IFRD1: variants seen among roughly 807,000 people sequenced by gnomAD.
IFRD1 encodes interferon-related developmental regulator 1.
IFRD1 carries 35 observed loss-of-function variants against 52.9 expected under a neutral mutation model. The observed-to-expected ratio is 0.66, with a 90% CI of 0.51 to 0.88. IFRD1 has a LOEUF of 0.88. IFRD1 is among the 40% of genes least tolerant of loss of function. The pLI is 0.00. For missense variants in IFRD1, 517 were observed against 550.8 expected (o/e 0.94, Z 0.61); for synonymous variants, 184 against 188.4 (o/e 0.98, Z 0.19).
At chr7:112,455,628 T>C in intron 1 of IFRD1, 135 bp from the exon 2 acceptor site, 3 of 691,072 alleles carry the variant, frequency 4.3e-6, no homozygotes, top group Non-Finnish European at 7.8e-6. Context: ...TCACTTGTGA[T>C]AAAATCTCTT....
chr7:112,459,645 T>TA (rs1362104410), intron 5 of IFRD1, among the ~76,000 whole-genome samples: 1 of 152,206 alleles, frequency 6.6e-6, no homozygotes, highest in Non-Finnish European at 1.5e-5. Flanking sequence ...TTAAGGTAAG[T>TA]AACATTAATC....
chr7:112,467,822 A>G (rs1410592123), intron 8 of IFRD1, 159 bp from the exon 9 acceptor site: 2 of 703,978 alleles, frequency 2.8e-6, no homozygotes, highest in East Asian at 2.8e-5. Context: ...TTGCATGAAA[A>G]CATGTGTTTA....
In IFRD1 at chr7:112,475,522, T is replaced by A. The variant is rs776074519; in HGVS notation, c.*3T>A. 6 of 1,556,608 alleles carry A rather than the reference T, an allele frequency of 3.9e-6. No individual in the cohort carries two copies. The East Asian group carries it at 1.3e-4, about 35-fold the overall frequency. On this transcript the variant is annotated 3_prime_UTR_variant, in exon 12 of 12. Coordinates refer to ENST00000403825, the MANE Select transcript of IFRD1 (RefSeq NM_001550.4). ...CAGATGTTGGAGAATTCTTCTAGAT[T>A]TTCAGAACTTGAAGACTATTTTCTA...
Position 112,441,404 on chromosome 7 carries a change from C to T in IFRD1, c.-181-9104C>T, listed in dbSNP as rs112627575. Among the ~76,000 whole-genome samples, 12 of 151,454 alleles carry T rather than the reference C, an allele frequency of 7.9e-5. 2 individuals carry two copies. The highest frequency in any genetic ancestry group is 2.9e-4 in the African/African-American group (12 of 41,326). ...TCAGTGAGCTGTGATCGCACCACTA[C>T]ACTCCAGTCTGGGTGAGAGGCAAGA... On this transcript the variant is annotated intron_variant, in intron 1 of 12. Transcript: ENST00000005558.
intron 10 of IFRD1, 88 bp downstream of exon 10, chr7:112,472,435 G>A (rs1244299836): frequency 7.1e-7 from 1 of 1,402,052 alleles, no homozygotes; most frequent in Admixed American, 1.7e-5. Context: ...AAATTAATTA[G>A]GTATCCAGAG....
At chr7:112,460,027 CAT>C (rs1376473192) in intron 5 of IFRD1, among the ~76,000 whole-genome samples, 1 of 152,150 alleles carries the variant, frequency 6.6e-6, no homozygotes, top group Non-Finnish European at 1.5e-5. Context: ...GCTTTTAAAT[CAT>C]GTGGAACTAT....
intron 1 of IFRD1, 87 bp downstream of exon 1, chr7:112,450,869 T>A: frequency 1.1e-6 from 1 of 915,926 alleles, no homozygotes; most frequent in Non-Finnish European, 1.8e-6. Context: ...GTTGTAGTTC[T>A]TTCTCTGATG....
chr7:112,445,211 C>T (rs556677268), intron 1 of IFRD1, among the ~76,000 whole-genome samples: 23 of 151,946 alleles, frequency 1.5e-4, no homozygotes, highest in African/African-American at 4.6e-4. Context: ...GGACTACAGG[C>T]GCCCGCCACC....
chr7:112,456,042 A>G lies in IFRD1; in HGVS notation c.240A>G (p.Leu80=). 2 of 1,609,030 alleles carry G rather than the reference A, an allele frequency of 1.2e-6. No individual in the cohort carries two copies. The highest frequency in any genetic ancestry group is 1.7e-6 in the Non-Finnish European group (2 of 1,175,402). The change falls in exon 3 of 12, where the codon CTA becomes CTG. Residue 80 remains leucine (L), a synonymous_variant. Coordinates refer to ENST00000403825, the MANE Select transcript of IFRD1 (RefSeq NM_001550.4). ...VLDEEGTQED[L]EYKLKGLIDL... is the part of the protein sequence containing the mutation. ...ATGAGGAAGGAACTCAAGAAGACCT[A>G]GAGTACAAGTTGAAGGGATTAATTG...
rs573254986 is a variant in IFRD1 at position 112,455,494 on chromosome 7, A to C, written c.95-269A>C. 1.6e-3 allele frequency among the ~76,000 whole-genome samples: 250 copies of C among 151,944 alleles called. 1 individual carries two copies. The highest frequency in any genetic ancestry group is 5.4e-3 in the African/African-American group (225 of 41,516). Reference sequence around the variant, plus strand: ...GGAGGCTCTGTCTCAAAAAAACAAAAAAAACAAAACAAAACAAAAAAAAGA... The same window carrying C: ...GGAGGCTCTGTCTCAAAAAAACAAACAAAACAAAACAAAACAAAAAAAAGA... On this transcript the variant is annotated intron_variant, in intron 1 of 11. Coordinates refer to ENST00000403825, the MANE Select transcript of IFRD1 (RefSeq NM_001550.4).
At chr7:112,462,737 T>C (rs781621721) in intron 8 of IFRD1, among the ~76,000 whole-genome samples, 4 of 152,190 alleles carry the variant, frequency 2.6e-5, no homozygotes, top group Admixed American at 6.5e-5. Flanking sequence ...TCATAATTAA[T>C]ATCAAACAAA....
chr7:112,438,207 T>C lies in IFRD1; in HGVS notation c.-181-12301T>C, dbSNP rs549990657. ...ACTTAATTGCTTGTATCTCTCTAAG[T>C]GTTAAATCATTACTACTGATTTCAT... On this transcript the variant is annotated intron_variant, in intron 1 of 12. Coordinates refer to the IFRD1 transcript ENST00000005558. 2.6e-5 allele frequency among the ~76,000 whole-genome samples: 4 copies of C among 152,318 alleles called. No individual in the cohort carries two copies. In the South Asian group the frequency reaches 8.3e-4, roughly 32 times the overall value.
intron 1 of IFRD1, among the ~76,000 whole-genome samples, chr7:112,424,420 T>A (rs143241498): frequency 0.062 from 6,096 of 97,990 alleles, 296 homozygotes; most frequent in African/African-American, 0.19. Flanking sequence ...CTTTCTTTCT[T>A]TTTTTTTTTT....
At position 112,458,891 on chromosome 7, in the gene IFRD1, C is replaced by T. The variant is rs1356090577; in HGVS notation, c.440C>T (p.Ala147Val). The T allele has an allele frequency of 6.8e-6, 11 of 1,613,836 alleles. No homozygotes were observed. The highest frequency in any genetic ancestry group is 1.6e-4 in the Middle Eastern group (1 of 6,062). The change falls in exon 5 of 12, where the codon GCG becomes GTG. Residue 147 changes from alanine to valine, a missense_variant. Ala to Val is a moderately conservative substitution (Grantham distance 64). Transcript: ENST00000403825. ...GKSDEQRAAAALASVLCIQLG... is the reference protein window; with the variant it reads ...GKSDEQRAAAVLASVLCIQLG... ...AGTGATGAGCAACGTGCAGCTGCAG[C>T]GTTAGCATCTGTTCTTTGTATTCAG...
At chr7:112,437,652 C>T (rs1794738901) in intron 1 of IFRD1, among the ~76,000 whole-genome samples, 1 of 151,332 alleles carries the variant, frequency 6.6e-6, no homozygotes, top group South Asian at 2.1e-4. Context: ...GCTACTTCCC[C>T]ATAATGGAAA....
chr7:112,425,726 C>T (rs1794414431), intron 1 of IFRD1, among the ~76,000 whole-genome samples: 1 of 152,148 alleles, frequency 6.6e-6, no homozygotes, highest in Non-Finnish European at 1.5e-5. Context: ...AATATATCCC[C>T]TTTCATATAT....
chr7:112,432,840 G>A (rs545583255), intron 1 of IFRD1, among the ~76,000 whole-genome samples: 23 of 152,284 alleles, frequency 1.5e-4, no homozygotes, highest in African/African-American at 5.5e-4. Context: ...AGAATATAAG[G>A]TCACAAGAGT....
chr7:112,446,735 A>T (rs543435349), upstream of IFRD1, among the ~76,000 whole-genome samples: 63 of 152,250 alleles, frequency 4.1e-4, no homozygotes, highest in African/African-American at 1.5e-3. Context: ...TGCAAGTCTT[A>T]AGTGGGGAAT....
intron 1 of IFRD1, among the ~76,000 whole-genome samples, chr7:112,426,577 C>A (rs1794431352): frequency 6.6e-6 from 1 of 152,198 alleles, no homozygotes; most frequent in South Asian, 2.1e-4. Flanking sequence ...ATAAGTCCTG[C>A]CAGCCATCTG....
Sources: gnomAD v4.1 joint callset for allele counts (sites outside exome capture counted in the v4.1 genomes callset) on GRCh38, gnomAD v4.1.1 for gene constraint, MANE v1.5 for transcripts, NCBI Gene and HGNC (gene_info 2026-07-23, HGNC 2026-07-21) for gene names.